The following ROBO2 variants were observed in gnomAD, a reference collection of about 807,000 sequenced individuals.
ROBO2 encodes the protein roundabout guidance receptor 2.
ROBO2 carries 53 observed loss-of-function variants against 160.8 expected under a neutral mutation model. The observed-to-expected ratio is 0.33, with a 90% confidence interval of 0.26 to 0.41. ROBO2 has a LOEUF of 0.41. Among genes scored for constraint, ROBO2 ranks in the 10% least tolerant of loss-of-function variants. The pLI is 1.00. For synonymous variants in ROBO2, 664 were observed against 611.7 expected, an observed-to-expected ratio of 1.09 and a Z score of -1.26; for missense variants, 1,577 against 1,722.4, an observed-to-expected ratio of 0.92 and a Z score of 1.49.
At chr3:77,449,115 A>T (rs531443415) in intron 2 of ROBO2, among the ~76,000 whole-genome samples, 2 of 152,146 alleles carry the variant, frequency 1.3e-5, no homozygotes, top group Admixed American at 1.3e-4. Context: ...AAAGGTGTAA[A>T]AATCATAAAA....
At chr3:76,946,691 G>T (rs1477664133) in intron 2 of ROBO2, among the ~76,000 whole-genome samples, 2 of 152,258 alleles carry the variant, frequency 1.3e-5, no homozygotes, top group East Asian at 1.9e-4. Context: ...GCCTGCCTCA[G>T]CCTCCGAAGA....
intron 2 of ROBO2, among the ~76,000 whole-genome samples, chr3:76,989,251 T>A (rs2060539901): frequency 6.6e-6 from 1 of 152,120 alleles, no homozygotes; most frequent in Admixed American, 6.5e-5. Context: ...GTAAGCACTT[T>A]GCATGGGATA....
chr3:76,737,081 T>C (rs1352635500), intron 2 of ROBO2, among the ~76,000 whole-genome samples: 14 of 152,206 alleles, frequency 9.2e-5, no homozygotes, highest in Non-Finnish European at 5.9e-5. Context: ...AAAAATATGT[T>C]GTAAGAATCA....
chr3:76,341,801 G>A (rs375858414), intron 2 of ROBO2, among the ~76,000 whole-genome samples: 1 of 152,114 alleles, frequency 6.6e-6, no homozygotes. Context: ...AAAATGGGAC[G>A]TAAAAAAAGT....
At position 77,005,562 on chromosome 3, in the gene ROBO2, C is replaced by G. The variant is rs143389997; in HGVS notation, c.110-92452C>G. On this transcript the variant is annotated intron_variant, in intron 2 of 26. Coordinates refer to the ROBO2 transcript ENST00000487694. The stretch of plus-strand genomic sequence containing the variant: ...AAGTTTTATTTAAAGTGGTGGTGTA[C>G]CTATGGATCTTCTTTTAGGACTAAT... Among the ~76,000 whole-genome samples, 84 of 152,110 alleles carry G rather than the reference C, an allele frequency of 5.5e-4. No individual in the cohort carries two copies. In the East Asian group the frequency reaches 0.013, roughly 23 times the overall value.
intron 2 of ROBO2, among the ~76,000 whole-genome samples, chr3:76,262,609 G>C (rs150331918): frequency 6.6e-6 from 1 of 152,164 alleles, no homozygotes; most frequent in East Asian, 1.9e-4. Flanking sequence ...CCCTAAAGCT[G>C]GATGTCAGCT....
intron 2 of ROBO2, among the ~76,000 whole-genome samples, chr3:76,735,759 CAAAAA>C (rs60229835): frequency 0.03 from 1,310 of 43,828 alleles, 35 homozygotes; most frequent in African/African-American, 0.11. Context: ...GACCCTGTCT[CAAAAA>C]AAAAAAAAAA....
chr3:76,456,053 T>C (rs1414078292), intron 2 of ROBO2, among the ~76,000 whole-genome samples: 1 of 152,192 alleles, frequency 6.6e-6, no homozygotes, highest in Non-Finnish European at 1.5e-5. Context: ...TTAGACTACA[T>C]ACAAGTTATA....
chr3:75,990,332 TTTTAGG>T (rs1206914320), intron 2 of ROBO2, among the ~76,000 whole-genome samples: 1 of 152,150 alleles, frequency 6.6e-6, no homozygotes, highest in Non-Finnish European at 1.5e-5. Flanking sequence ...AAAGAATTTG[TTTTAGG>T]TCACCCTGTC....
chr3:76,253,584 T>C (rs903915250), intron 2 of ROBO2, among the ~76,000 whole-genome samples: 1 of 150,128 alleles, frequency 6.7e-6, no homozygotes, highest in Admixed American at 6.8e-5. Context: ...ATGAGTAATA[T>C]CTAAGATATT....
intron 2 of ROBO2, among the ~76,000 whole-genome samples, chr3:77,386,602 A>G (rs1560691885): frequency 3.1e-5 from 1 of 32,108 alleles, no homozygotes; most frequent in Non-Finnish European, 7.2e-5. Flanking sequence ...TCAGCCAGGT[A>G]ATTTTTTTTT....
At chr3:77,487,942 G>T (rs1033153957) in intron 4 of ROBO2, among the ~76,000 whole-genome samples, 1 of 152,114 alleles carries the variant, frequency 6.6e-6, no homozygotes, top group African/African-American at 2.4e-5. Flanking sequence ...GTTAAAAAGA[G>T]AAATTTGTTT....
At chr3:77,365,459 T>G (rs1480209144) in intron 2 of ROBO2, among the ~76,000 whole-genome samples, 1 of 152,130 alleles carries the variant, frequency 6.6e-6, no homozygotes, top group Non-Finnish European at 1.5e-5. Context: ...TCAGATGTTT[T>G]CAGTTTAAAG....
At chr3:76,971,832 A>G (rs1023188854) in intron 2 of ROBO2, among the ~76,000 whole-genome samples, 2 of 152,230 alleles carry the variant, frequency 1.3e-5, no homozygotes, top group African/African-American at 4.8e-5. Context: ...ATGGTTCTAT[A>G]CTAGACCCAT....
intron 2 of ROBO2, among the ~76,000 whole-genome samples, chr3:76,797,084 A>G (rs1284089404): frequency 2.0e-5 from 3 of 152,166 alleles, no homozygotes; most frequent in African/African-American, 7.2e-5. Context: ...AATCTGCACT[A>G]TAAATCAAAT....
chr3:76,554,717 G>A (rs2083605286), intron 2 of ROBO2, among the ~76,000 whole-genome samples: 1 of 151,976 alleles, frequency 6.6e-6, no homozygotes, highest in Non-Finnish European at 1.5e-5. Context: ...TATAATGAGA[G>A]GCTTTCAGTA....
intron 2 of ROBO2, among the ~76,000 whole-genome samples, chr3:77,020,050 A>T (rs77432838): frequency 0.13 from 20,361 of 152,134 alleles, 1,448 homozygotes; most frequent in South Asian, 0.17. Context: ...GAGCCCAACC[A>T]TTTATTCTAG....
chr3:76,838,686 C>T (rs577161336), intron 2 of ROBO2, among the ~76,000 whole-genome samples: 37 of 152,198 alleles, frequency 2.4e-4, no homozygotes, highest in African/African-American at 8.9e-4. Flanking sequence ...TGCTTATCTC[C>T]ATTCGTAAAT....
At chr3:76,723,572 C>A (rs1342348126) in intron 2 of ROBO2, among the ~76,000 whole-genome samples, 5 of 152,142 alleles carry the variant, frequency 3.3e-5, no homozygotes, top group African/African-American at 1.2e-4. Context: ...AGGCCCCGCC[C>A]ACTTCATTCT....
Sources: allele counts gnomAD v4.1 joint callset (sites outside exome capture counted in the v4.1 genomes callset), GRCh38; gene constraint gnomAD v4.1.1; transcripts MANE v1.5; gene names NCBI Gene and HGNC (gene_info 2026-07-23, HGNC 2026-07-21).